The following NBPF15 variants were observed in gnomAD, a reference collection of about 807,000 sequenced individuals.
NBPF15 encodes the protein NBPF member 15.
NBPF15 carries 74 observed loss-of-function variants against 62.2 expected under a neutral mutation model. The observed-to-expected ratio is 1.19, with a 90% CI of 0.99 to 1.44. The LOEUF (loss-of-function observed/expected upper bound fraction) is 1.44, where lower values mean the gene tolerates loss of function less well. Among genes scored for constraint, NBPF15 ranks in the 40% most tolerant of loss-of-function variants. The probability of loss-of-function intolerance (pLI) is 0.00; values close to 1 mark genes in which losing one functional copy is unlikely to be tolerated. For missense variants in NBPF15, 790 were observed against 550.0 expected (o/e 1.44, Z -4.36); for synonymous variants, 244 against 209.7 (o/e 1.16, Z -1.41).
chr1:144,444,239 C>G (rs1360727572), intron 6 of NBPF15, among the ~76,000 whole-genome samples: 2 of 148,692 alleles, frequency 1.3e-5, no homozygotes, highest in African/African-American at 2.5e-5. Flanking sequence ...GTTTCAGTAC[C>G]GACTGAGTGG....
chr1:144,425,649 A>T, intron 18 of NBPF15, 81 bp from the exon 19 acceptor site: 7 of 592,524 alleles, frequency 1.2e-5, no homozygotes, highest in Non-Finnish European at 1.8e-5. Flanking sequence ...ATCCCCACAC[A>T]GGGATCTCAG....
chr1:144,450,845 T>A lies in NBPF15; in HGVS notation c.-406A>T. On this transcript the variant is annotated 5_prime_UTR_variant, in exon 5 of 22. Coordinates refer to ENST00000581897, the MANE Select transcript of NBPF15 (RefSeq NM_001385408.1). ...GGGTATTTCAGGCACTTGAGTAGTG[T>A]GGCTTTACTGTTATCAATCACATTT... 3 of 913,356 alleles carry A rather than the reference T, an allele frequency of 3.3e-6. No homozygotes were observed. Among genetic ancestry groups the A allele is most frequent in the Non-Finnish European group, 3.9e-6 (3 of 765,086 alleles). 56.6% of individuals were successfully genotyped at this position (913,356 alleles called of 1,614,324 possible). A position where few individuals can be genotyped will look rare whatever the true frequency, so the allele number is the denominator to read the frequency against.
intron 3 of NBPF15, among the ~76,000 whole-genome samples, chr1:144,457,762 T>C (rs28583112): frequency 3.3e-5 from 5 of 152,070 alleles, no homozygotes; most frequent in Middle Eastern, 3.2e-3. Context: ...GAGATTTTAG[T>C]AAATCTTTTA....
chr1:144,447,053 CAT>C (rs1688065661), intron 6 of NBPF15, among the ~76,000 whole-genome samples: 2 of 151,292 alleles, frequency 1.3e-5, no homozygotes, highest in Admixed American at 1.3e-4. Context: ...GTAACCACCA[CAT>C]GTCCCTGCCT....
At chr1:144,426,777 G>A (rs1453020888) in intron 17 of NBPF15, among the ~76,000 whole-genome samples, 5 of 151,552 alleles carry the variant, frequency 3.3e-5, no homozygotes, top group African/African-American at 1.2e-4. Flanking sequence ...AAAAGAGTGG[G>A]CTCAATAATT....
chr1:144,423,337 A>G, intron 21 of NBPF15, 81 bp from the exon 22 acceptor site: 1 of 1,610,042 alleles, frequency 6.2e-7, no homozygotes, highest in South Asian at 1.1e-5. Context: ...GAAGTAATAT[A>G]AGGAAGTGGT....
chr1:144,429,140 A>G (rs1157000058), intron 14 of NBPF15, among the ~76,000 whole-genome samples: 1 of 151,746 alleles, frequency 6.6e-6, no homozygotes, highest in Non-Finnish European at 1.5e-5. Context: ...GTGGGTGAAA[A>G]GTCAGCCGTT....
intron 3 of NBPF15, among the ~76,000 whole-genome samples, chr1:144,458,137 A>G (rs1478689504): frequency 1.3e-5 from 2 of 152,086 alleles, no homozygotes; most frequent in African/African-American, 4.8e-5. Flanking sequence ...ATTATGTAGA[A>G]TACTATTGTT....
At chr1:144,442,683 C>T (rs1347944990) in intron 6 of NBPF15, 18 of 158,804 alleles carry the variant, frequency 1.1e-4, no homozygotes, top group Non-Finnish European at 7.1e-5. Context: ...CCATCTGGGC[C>T]GCCATCCCAG....
chr1:144,446,006 C>T (rs1319047010), intron 6 of NBPF15, among the ~76,000 whole-genome samples: 2 of 147,256 alleles, frequency 1.4e-5, no homozygotes, highest in African/African-American at 2.6e-5. Flanking sequence ...CAGGCACATG[C>T]CACCATGCCT....
In NBPF15 at chr1:144,426,146, C is replaced by A. The variant is rs1427902096; in HGVS notation, c.1438+132G>T. On this transcript the variant is annotated intron_variant, in intron 18 of 21. Transcript: ENST00000581897. ...AACTGAGACTACAGTTTCATTACAA[C>A]CTTTATGCGCCCATAGGTCCTGCCT... is the stretch of plus-strand genomic sequence containing the variant. The A allele has an allele frequency of 1.7e-5, 11 of 656,790 alleles. No individual in the cohort carries two copies. The Admixed American group carries it at 2.2e-4, about 13-fold the overall frequency. 40.7% of individuals were successfully genotyped at this position (656,790 alleles called of 1,614,324 possible).
At chr1:144,458,995 C>T (rs1307345238) in intron 3 of NBPF15, among the ~76,000 whole-genome samples, 12 of 151,006 alleles carry the variant, frequency 7.9e-5, no homozygotes, top group Non-Finnish European at 1.8e-4. Context: ...AGCTGAGATC[C>T]TGCCACGGCA....
Position 144,428,780 on chromosome 1 carries a change from G to A in NBPF15, c.989-123C>T, listed in dbSNP as rs1388606782. 9 of 608,194 alleles carry A rather than the reference G, an allele frequency of 1.5e-5. No individual in the cohort carries two copies. The Admixed American group carries it at 2.6e-4, about 18-fold the overall frequency. 37.7% of individuals were successfully genotyped at this position (608,194 alleles called of 1,614,324 possible). On this transcript the variant is annotated intron_variant, in intron 14 of 21. Transcript: ENST00000581897. ...TGTCAGTGTGAGAACAGGAGACTTT[G>A]AGAGAAATATTCCAGTAGGCCTGAG...
intron 13 of NBPF15, among the ~76,000 whole-genome samples, chr1:144,432,502 A>T (rs1319206803): frequency 6.6e-6 from 1 of 152,032 alleles, no homozygotes; most frequent in African/African-American, 2.4e-5. Flanking sequence ...CAGTTAAAAA[A>T]CACAGAATGG....
At position 144,423,239 on chromosome 1, in the gene NBPF15, A is replaced by G; in HGVS notation, c.1787T>C (p.Met596Thr). The G allele has an allele frequency of 6.2e-7, 1 of 1,611,594 alleles. No homozygotes were observed. Among genetic ancestry groups the G allele is most frequent in the East Asian group, 2.2e-5 (1 of 44,868 alleles). Reference sequence around the variant, plus strand: ...TAAGACTTCAGGCTCTTCCACTTCCATCAGCACGCCGTAGAGCCTGGAAAA... The same window carrying G: ...TAAGACTTCAGGCTCTTCCACTTCCGTCAGCACGCCGTAGAGCCTGGAAAA... The part of the protein sequence containing the change: ...PPCPRLYGVL[M>T]EVEEPEVLQD... The change falls in exon 22 of 22, where the codon ATG (methionine) becomes ACG (threonine). Residue 596 changes from methionine (M) to threonine (T), a missense_variant. Transcript: ENST00000581897.
At chr1:144,428,805 G>T in intron 14 of NBPF15, 148 bp from the exon 15 acceptor site, 5 of 615,920 alleles carry the variant, frequency 8.1e-6, no homozygotes, top group Non-Finnish European at 1.4e-5. Flanking sequence ...GTAGGCCTGA[G>T]GTCAAGTCTT....
At chr1:144,440,566 C>G in intron 6 of NBPF15, 1 of 251,450 alleles carries the variant, frequency 4.0e-6, no homozygotes, top group Non-Finnish European at 7.5e-6. Context: ...AACAGTTTCC[C>G]AACAGGTTAT....
In NBPF15 at chr1:144,436,189, C is replaced by T. The variant is rs9438318; in HGVS notation, c.494-336G>A. On this transcript the variant is annotated intron_variant, in intron 10 of 21. Coordinates refer to ENST00000581897, the MANE Select transcript of NBPF15 (RefSeq NM_001385408.1). The stretch of plus-strand genomic sequence containing the variant: ...ATTCCCAGGCACAGGCTTGGTGTCC[C>T]GTCACAGTTTGCATTTCAAACCTAA... Among the ~76,000 whole-genome samples the T allele has an allele frequency of 1.0e-3, 152 of 151,050 alleles. 2 individuals are homozygous for T. The highest frequency in any genetic ancestry group is 6.9e-3 in the Middle Eastern group (2 of 288).
chr1:144,424,070 C>A (rs587638201), intron 20 of NBPF15, 95 bp from the exon 21 acceptor site: 2 of 757,988 alleles, frequency 2.6e-6, no homozygotes, highest in South Asian at 1.4e-5. Flanking sequence ...ACCTCAGGCT[C>A]CTCAGCATAA....
Sources: gnomAD v4.1 joint callset for allele counts (sites outside exome capture counted in the v4.1 genomes callset) on GRCh38, gnomAD v4.1.1 for gene constraint, MANE v1.5 for transcripts, NCBI Gene and HGNC (gene_info 2026-07-23, HGNC 2026-07-21) for gene names.